Variants in FMN1 observed in about 807,000 individuals in gnomAD.
FMN1 encodes formin-1.
Under a neutral mutation model 132.4 loss-of-function variants are expected in FMN1, and 110 were observed. That is an observed-to-expected ratio of 0.83 (90% CI 0.71 to 0.97). FMN1 has a LOEUF of 0.97. Ranked by LOEUF, FMN1 falls within the 50% of genes least tolerant of loss-of-function variation. FMN1 has a pLI of 0.00. For synonymous variants in FMN1, 722 were observed against 651.7 expected, an observed-to-expected ratio of 1.11 and a Z score of -1.64; for missense variants, 1,792 against 1,705.3, an observed-to-expected ratio of 1.05 and a Z score of -0.90.
Position 32,798,793 on chromosome 15 carries a change from T to C in FMN1, c.4130+11A>G, listed in dbSNP as rs753712689. ...CTGAAGGAGGCATTAAAATCTTTTTTTGAACCTTACCTTTCTTTAGATATG... is the reference window on the plus strand; with the variant it reads ...CTGAAGGAGGCATTAAAATCTTTTTCTGAACCTTACCTTTCTTTAGATATG... On this transcript the variant is annotated intron_variant, in intron 19 of 20. Coordinates refer to ENST00000616417, the MANE Select transcript of FMN1 (RefSeq NM_001277313.2). 7 of 1,606,858 alleles carry C rather than the reference T, an allele frequency of 4.4e-6. No individual in the cohort carries two copies. The highest frequency in any genetic ancestry group is 3.4e-5 in the Admixed American group (2 of 58,892).
chr15:33,010,535 CAAT>C (rs1205189357), intron 6 of FMN1, among the ~76,000 whole-genome samples: 1 of 152,084 alleles, frequency 6.6e-6, no homozygotes, highest in Non-Finnish European at 1.5e-5. Context: ...CATAACACAA[CAAT>C]ACCTGCTACT....
intron 17 of FMN1, among the ~76,000 whole-genome samples, chr15:32,836,400 G>A (rs1005584007): frequency 1.3e-5 from 2 of 152,146 alleles, no homozygotes; most frequent in African/African-American, 2.4e-5. Context: ...GGATAGTATA[G>A]TTCACATTTT....
At chr15:33,066,613 C>G (rs962897162) in intron 5 of FMN1, 8 of 1,613,746 alleles carry the variant, frequency 5.0e-6, no homozygotes, top group Non-Finnish European at 6.8e-6. Flanking sequence ...TGAGAGCTTC[C>G]AGCTCAGAGG....
At chr15:33,066,564 C>T (rs2037736278) in intron 5 of FMN1, 6 of 1,609,614 alleles carry the variant, frequency 3.7e-6, no homozygotes, top group Non-Finnish European at 4.2e-6. Flanking sequence ...CGTTCAAACA[C>T]AGCTCTTAGC....
At chr15:32,967,232 G>C (rs892668881) in intron 8 of FMN1, among the ~76,000 whole-genome samples, 1 of 152,192 alleles carries the variant, frequency 6.6e-6, no homozygotes, top group African/African-American at 2.4e-5. Context: ...TCCCGTGGTC[G>C]TGGGTGAAGG....
chr15:33,009,380 T>C (rs996017450), intron 6 of FMN1, among the ~76,000 whole-genome samples: 15 of 152,176 alleles, frequency 9.9e-5, no homozygotes, highest in African/African-American at 3.6e-4. Flanking sequence ...CCTTGGTTTT[T>C]CACGCAATTA....
At chr15:33,059,616 C>T (rs2037391325) in intron 6 of FMN1, among the ~76,000 whole-genome samples, 1 of 152,198 alleles carries the variant, frequency 6.6e-6, no homozygotes, top group Non-Finnish European at 1.5e-5. Context: ...CAATTTTAGA[C>T]TATCTTTATC....
chr15:33,113,537 C>T (rs2039795096), intron 4 of FMN1, among the ~76,000 whole-genome samples: 1 of 152,064 alleles, frequency 6.6e-6, no homozygotes, highest in Admixed American at 6.5e-5. Flanking sequence ...CCATGAAGTA[C>T]GACCCTGCTC....
At chr15:32,870,797 CCCTTTCACTGGT>C (rs1438877664) in intron 16 of FMN1, among the ~76,000 whole-genome samples, 1 of 152,188 alleles carries the variant, frequency 6.6e-6, no homozygotes, top group Non-Finnish European at 1.5e-5. Flanking sequence ...TCAAAAACAT[CCCTTTCACTGGT>C]CCCCACAAAA....
intron 4 of FMN1, chr15:33,105,844 C>T (rs2039464313): frequency 6.6e-6 from 1 of 151,952 alleles, no homozygotes; most frequent in African/African-American, 2.4e-5. Context: ...ACTCAAAGAA[C>T]AGGGTGCCTA....
rs1044675272 is a variant in FMN1 at position 32,894,480 on chromosome 15, T to C, written c.3714+4354A>G. Among the ~76,000 whole-genome samples, 5 of 144,252 alleles carry C rather than the reference T, an allele frequency of 3.5e-5. 1 individual carries two copies. Among genetic ancestry groups the C allele is most frequent in the Middle Eastern group, 6.9e-3 (2 of 290 alleles). The allele number at this position is 144,252 out of a possible 152,430, so 94.6% of individuals were successfully genotyped here. ...GCCTGGGTGACAGAGCGAGACTCCATCTCAATTAAAAAAAAAAAAAAAGAG... is the reference window on the plus strand; with the variant it reads ...GCCTGGGTGACAGAGCGAGACTCCACCTCAATTAAAAAAAAAAAAAAAGAG... On this transcript the variant is annotated intron_variant, in intron 15 of 20. Transcript: ENST00000616417.
intron 19 of FMN1, among the ~76,000 whole-genome samples, chr15:32,792,306 G>A (rs1463433921): frequency 2.0e-5 from 3 of 150,980 alleles, no homozygotes; most frequent in African/African-American, 4.9e-5. Flanking sequence ...TTAGCCGGGC[G>A]TGGTGGCAGA....
intron 10 of FMN1, among the ~76,000 whole-genome samples, chr15:32,920,869 G>C (rs746232721): frequency 6.6e-6 from 1 of 152,152 alleles, no homozygotes; most frequent in Non-Finnish European, 1.5e-5. Flanking sequence ...TATAGACATA[G>C]CTTCAGTTCT....
intron 7 of FMN1, among the ~76,000 whole-genome samples, chr15:32,992,169 CA>C (rs1439570008): frequency 6.6e-6 from 1 of 152,078 alleles, no homozygotes; most frequent in Admixed American, 6.6e-5. Flanking sequence ...TGTTTTATAG[CA>C]AAAGGAAAGG....
At chr15:33,028,362 G>A (rs10519777) in intron 6 of FMN1, among the ~76,000 whole-genome samples, 32,949 of 151,928 alleles carry the variant, frequency 0.22, 3,908 homozygotes, top group African/African-American at 0.3. Flanking sequence ...TGCTATCCAA[G>A]TTGATAAGGC....
intron 9 of FMN1, among the ~76,000 whole-genome samples, chr15:32,961,261 G>A (rs1254561785): frequency 6.6e-6 from 1 of 151,486 alleles, no homozygotes; most frequent in Non-Finnish European, 1.5e-5. Context: ...AGCCTCCCGA[G>A]TAGCTGAGAT....
chr15:33,101,043 GT>G (rs2039274598), intron 4 of FMN1, among the ~76,000 whole-genome samples: 1 of 151,928 alleles, frequency 6.6e-6, no homozygotes, highest in Admixed American at 6.6e-5. Flanking sequence ...ACTTTCTACC[GT>G]TTTTTCAATG....
At chr15:32,964,023 A>ACC in intron 9 of FMN1, 84 bp downstream of exon 9, 1 of 845,000 alleles carries the variant, frequency 1.2e-6, no homozygotes, top group African/African-American at 1.8e-5. Flanking sequence ...CGATACACAC[A>ACC]CACACACACA....
intron 7 of FMN1, among the ~76,000 whole-genome samples, chr15:32,974,234 CCTG>C (rs1173378131): frequency 1.3e-5 from 2 of 152,216 alleles, no homozygotes; most frequent in African/African-American, 2.4e-5. Flanking sequence ...TCTCACTCTT[CCTG>C]CTAAAAATCT....
Sources: allele counts gnomAD v4.1 joint callset (sites outside exome capture counted in the v4.1 genomes callset), GRCh38; gene constraint gnomAD v4.1.1; transcripts MANE v1.5; gene names NCBI Gene and HGNC (gene_info 2026-07-23, HGNC 2026-07-21).